TAMM41: variants seen among roughly 807,000 people sequenced by gnomAD.
The protein encoded by TAMM41 is phosphatidate cytidylyltransferase, mitochondrial.
Under a neutral mutation model 44.1 loss-of-function variants are expected in TAMM41, and 36 were observed. That is an observed-to-expected ratio of 0.82 (90% CI 0.63 to 1.08). TAMM41 has a LOEUF of 1.08. Ranked by LOEUF, TAMM41 falls within the 50% of genes least tolerant of loss-of-function variation. The pLI is 0.00. For synonymous variants in TAMM41, 164 were observed against 153.1 expected, an observed-to-expected ratio of 1.07 and a Z score of -0.53; for missense variants, 417 against 404.3, an observed-to-expected ratio of 1.03 and a Z score of -0.27.
chr3:11,784,238 T>C, the TAMM41 span, among the ~76,000 whole-genome samples: 79,911 of 152,126 alleles, frequency 0.53, 21,941 homozygotes, highest in East Asian at 0.76. Context: ...CTCATGCCTG[T>C]AATTCTGGCA....
the TAMM41 span, among the ~76,000 whole-genome samples, chr3:11,726,800 CA>C: frequency 0.12 from 11,274 of 92,988 alleles, 345 homozygotes; most frequent in South Asian, 0.16. Context: ...GACTCTGTCT[CA>C]AAAAAAAAAA....
chr3:11,751,319 C>T, the TAMM41 span, among the ~76,000 whole-genome samples: 931 of 152,082 alleles, frequency 6.1e-3, 17 homozygotes, highest in African/African-American at 0.021. Flanking sequence ...CTCGAACTCC[C>T]GACCTCAAGT....
downstream of TAMM41, among the ~76,000 whole-genome samples, chr3:11,789,397 G>A (rs534732757): frequency 1.6e-4 from 25 of 152,286 alleles, no homozygotes; most frequent in Non-Finnish European, 3.2e-4. Context: ...GGACAAAGAC[G>A]ATTTGCAGGA....
chr3:11,734,962 T>C, the TAMM41 span, among the ~76,000 whole-genome samples: 2 of 150,696 alleles, frequency 1.3e-5, no homozygotes, highest in Non-Finnish European at 2.9e-5. Context: ...GGCAGGAGAA[T>C]TGCCTGAACC....
intron 5 of TAMM41, among the ~76,000 whole-genome samples, chr3:11,816,797 A>G (rs1249516192): frequency 6.6e-6 from 1 of 152,118 alleles, no homozygotes; most frequent in Non-Finnish European, 1.5e-5. Context: ...AAAAACAACA[A>G]CAACCAGACA....
the TAMM41 span, among the ~76,000 whole-genome samples, chr3:11,732,075 C>T: frequency 1.3e-5 from 2 of 152,062 alleles, no homozygotes; most frequent in African/African-American, 2.4e-5. Context: ...CCATGTTGCC[C>T]AGTCTGGTCT....
intron 4 of TAMM41, among the ~76,000 whole-genome samples, chr3:11,828,900 A>C (rs2078869956): frequency 6.6e-6 from 1 of 152,220 alleles, no homozygotes; most frequent in Non-Finnish European, 1.5e-5. Context: ...TTTGACTCAT[A>C]CTCAAAAATC....
the TAMM41 span, among the ~76,000 whole-genome samples, chr3:11,783,475 A>G: frequency 2.0e-5 from 3 of 152,258 alleles, no homozygotes; most frequent in Non-Finnish European, 4.4e-5. Flanking sequence ...AGCCAGGGCA[A>G]GCAACCTGGA....
At chr3:11,737,333 A>G in the TAMM41 span, among the ~76,000 whole-genome samples, 1 of 138,218 alleles carries the variant, frequency 7.2e-6, no homozygotes, top group South Asian at 2.3e-4. Flanking sequence ...TATCATTATT[A>G]TTTTGAGACA....
downstream of TAMM41, among the ~76,000 whole-genome samples, chr3:11,790,204 A>G (rs1418324265): frequency 6.6e-6 from 1 of 152,198 alleles, no homozygotes; most frequent in East Asian, 1.9e-4. Flanking sequence ...TTGACAGCAT[A>G]CAAGAAATTT....
the TAMM41 span, among the ~76,000 whole-genome samples, chr3:11,758,442 C>T: frequency 1.3e-5 from 2 of 152,186 alleles, no homozygotes; most frequent in Non-Finnish European, 2.9e-5. Flanking sequence ...ATTTCCACCT[C>T]CCAGGTTCAA....
the TAMM41 span, among the ~76,000 whole-genome samples, chr3:11,769,626 G>C: frequency 1.3e-5 from 2 of 152,206 alleles, no homozygotes; most frequent in East Asian, 3.9e-4. Flanking sequence ...AAGCCAGGAG[G>C]TATGGATCTG....
At chr3:11,735,048 CAA>C in the TAMM41 span, among the ~76,000 whole-genome samples, 6 of 107,406 alleles carry the variant, frequency 5.6e-5, no homozygotes, top group African/African-American at 3.2e-5. Context: ...GACTCTGTCT[CAA>C]AAAAAAAAAA....
intron 7 of TAMM41, among the ~76,000 whole-genome samples, chr3:11,800,851 A>G (rs1008683636): frequency 6.6e-6 from 1 of 152,226 alleles, no homozygotes; most frequent in Non-Finnish European, 1.5e-5. Context: ...TCTACAGAAT[A>G]TATGTTCTTT....
the TAMM41 span, among the ~76,000 whole-genome samples, chr3:11,744,766 C>A: frequency 1.3e-5 from 2 of 152,106 alleles, no homozygotes; most frequent in Non-Finnish European, 2.9e-5. Flanking sequence ...GTGGCTCACT[C>A]CTGTAATCCC....
chr3:11,772,282 C>T, the TAMM41 span, among the ~76,000 whole-genome samples: 111 of 150,380 alleles, frequency 7.4e-4, no homozygotes, highest in South Asian at 1.9e-3. Context: ...GGGCTTTCAC[C>T]GTGTTAGCCA....
chr3:11,834,524 A>AT lies in TAMM41; in HGVS notation c.412-4661dup, dbSNP rs2079100351. Among the ~76,000 whole-genome samples, 9 of 152,308 alleles carry AT rather than the reference A, an allele frequency of 5.9e-5. No homozygotes were observed. The South Asian group carries it at 1.9e-3, about 32-fold the overall frequency. The stretch of plus-strand genomic sequence containing the variant: ...TATATTAAACACTTTAAATTCCATG[A>AT]TTTTTTACTTGGGAAAATATTAGTA... On this transcript the variant is annotated intron_variant, in intron 3 of 7. Transcript: ENST00000455809.
At chr3:11,845,813 T>C (rs565781096) in intron 1 of TAMM41, among the ~76,000 whole-genome samples, 1 of 152,296 alleles carries the variant, frequency 6.6e-6, no homozygotes, top group South Asian at 2.1e-4. Context: ...AGGAAAACTG[T>C]ACCCTTACTG....
chr3:11,776,083 G>A, the TAMM41 span, among the ~76,000 whole-genome samples: 1 of 148,364 alleles, frequency 6.7e-6, no homozygotes, highest in African/African-American at 2.5e-5. Context: ...GCCTGATCTT[G>A]GCTCACTGCA....
Sources: allele counts gnomAD v4.1 joint callset (sites outside exome capture counted in the v4.1 genomes callset), GRCh38; gene constraint gnomAD v4.1.1; transcripts MANE v1.5; gene names NCBI Gene and HGNC (gene_info 2026-07-23, HGNC 2026-07-21).